The following MGAT5 variants were observed in gnomAD, a reference collection of about 807,000 sequenced individuals.
MGAT5 encodes the protein alpha-1,6-mannosylglycoprotein 6-beta-N-acetylglucosaminyltransferase A.
A neutral mutation model predicts 94.3 loss-of-function variants in MGAT5; 30 were observed. That is an observed-to-expected ratio of 0.32 (90% CI 0.24 to 0.43). MGAT5 has a LOEUF of 0.43. MGAT5 is among the 20% of genes least tolerant of loss of function. MGAT5 has a pLI of 1.00. For missense variants in MGAT5, 691 were observed against 905.5 expected, an observed-to-expected ratio of 0.76 and a Z score of 3.04; for synonymous variants, 310 against 322.9, an observed-to-expected ratio of 0.96 and a Z score of 0.43.
chr2:134,432,316 T>A (rs1684928105), intron 14 of MGAT5, among the ~76,000 whole-genome samples: 1 of 152,200 alleles, frequency 6.6e-6, no homozygotes, highest in Non-Finnish European at 1.5e-5. Flanking sequence ...GTGTGATTCA[T>A]CTGAGAAGCA....
At chr2:134,135,134 A>T (rs141466657) in intron 1 of MGAT5, among the ~76,000 whole-genome samples, 106 of 152,244 alleles carry the variant, frequency 7.0e-4, no homozygotes, top group Admixed American at 9.2e-4. Context: ...AATACATTAG[A>T]TTTGTCATAA....
chr2:134,186,396 T>C (rs1405395399), intron 1 of MGAT5, among the ~76,000 whole-genome samples: 1 of 150,986 alleles, frequency 6.6e-6, no homozygotes, highest in Non-Finnish European at 1.5e-5. Context: ...TTTTTTTTAC[T>C]TGGAATTTCT....
chr2:134,441,540 G>C (rs551083893), intron 14 of MGAT5, among the ~76,000 whole-genome samples: 1 of 152,324 alleles, frequency 6.6e-6, no homozygotes, highest in Admixed American at 6.5e-5. Flanking sequence ...GTTGGTCCCT[G>C]TCTTGAGGTT....
At chr2:134,298,414 A>G (rs563830128) in intron 2 of MGAT5, among the ~76,000 whole-genome samples, 3 of 152,264 alleles carry the variant, frequency 2.0e-5, no homozygotes, top group South Asian at 2.1e-4. Flanking sequence ...TGTATTATTT[A>G]TCACCAAATA....
chr2:134,197,507 C>T (rs1242181990), intron 1 of MGAT5, among the ~76,000 whole-genome samples: 2 of 152,164 alleles, frequency 1.3e-5, no homozygotes, highest in South Asian at 2.1e-4. Flanking sequence ...TTTCTTGAAC[C>T]TCCTGGTATA....
At chr2:134,361,360 C>T (rs911631453) in intron 9 of MGAT5, among the ~76,000 whole-genome samples, 1 of 152,218 alleles carries the variant, frequency 6.6e-6, no homozygotes, top group Non-Finnish European at 1.5e-5. Context: ...CACACATGGG[C>T]TCTGCAGGCT....
chr2:134,344,860 GC>G, intron 7 of MGAT5, 69 bp from the exon 8 acceptor site: 3 of 1,564,740 alleles, frequency 1.9e-6, no homozygotes, highest in Non-Finnish European at 2.6e-6. Context: ...CATTAAAGTT[GC>G]CAAGTTTATT....
intron 1 of MGAT5, among the ~76,000 whole-genome samples, chr2:134,153,873 G>A (rs1687348394): frequency 6.6e-6 from 1 of 152,124 alleles, no homozygotes; most frequent in Admixed American, 6.5e-5. Flanking sequence ...TGAGGGTTAA[G>A]GCCCAGAGAC....
At chr2:134,135,913 A>G (rs1008935134) in intron 1 of MGAT5, among the ~76,000 whole-genome samples, 2 of 151,404 alleles carry the variant, frequency 1.3e-5, no homozygotes, top group African/African-American at 4.9e-5. Flanking sequence ...AACTGCAGGA[A>G]TGGAAGGTAA....
chr2:134,386,984 G>A (rs575895090), intron 10 of MGAT5, among the ~76,000 whole-genome samples: 5 of 151,974 alleles, frequency 3.3e-5, no homozygotes, highest in African/African-American at 7.3e-5. Flanking sequence ...TGTATGAGCC[G>A]GGTGCGGTGG....
chr2:134,294,117 G>A (rs537833237), intron 2 of MGAT5, among the ~76,000 whole-genome samples: 2 of 152,264 alleles, frequency 1.3e-5, no homozygotes, highest in African/African-American at 4.8e-5. Context: ...TGAGTGAGGA[G>A]GCAAATGGAG....
At chr2:134,298,070 G>A (rs1313331651) in intron 2 of MGAT5, among the ~76,000 whole-genome samples, 8 of 151,966 alleles carry the variant, frequency 5.3e-5, no homozygotes, top group Non-Finnish European at 1.5e-5. Context: ...TGAATTATTT[G>A]TATAAATAAT....
At chr2:134,376,564 A>C (rs971591434) in intron 10 of MGAT5, among the ~76,000 whole-genome samples, 13 of 152,150 alleles carry the variant, frequency 8.5e-5, no homozygotes, top group African/African-American at 2.9e-4. Context: ...ATCCCTCACT[A>C]TTTGGACCAG....
intron 1 of MGAT5, among the ~76,000 whole-genome samples, chr2:134,219,468 G>A (rs943925894): frequency 1.3e-5 from 2 of 152,010 alleles, no homozygotes; most frequent in South Asian, 2.1e-4. Flanking sequence ...CTACTTTAAC[G>A]AACAGACAGT....
At chr2:134,202,851 C>T (rs547089835) in intron 1 of MGAT5, among the ~76,000 whole-genome samples, 1 of 152,122 alleles carries the variant, frequency 6.6e-6, no homozygotes, top group East Asian at 1.9e-4. Context: ...CCCAAAAAAT[C>T]AATGCAATTT....
Position 134,376,647 on chromosome 2 carries a change from C to A in MGAT5, c.1380+14239C>A, listed in dbSNP as rs1408408297. 2.0e-5 allele frequency among the ~76,000 whole-genome samples: 3 copies of A among 152,206 alleles called. No homozygotes were observed. In the East Asian group the frequency reaches 5.8e-4, roughly 29 times the overall value. Reference sequence around the variant, plus strand: ...TGGAAGAGCCTTCCTTGCTGTTGGACCTAGGGGAGGAAAGAAATTATCCCT... The same window carrying A: ...TGGAAGAGCCTTCCTTGCTGTTGGAACTAGGGGAGGAAAGAAATTATCCCT... On this transcript the variant is annotated intron_variant, in intron 10 of 15. Coordinates refer to ENST00000281923, the MANE Select transcript of MGAT5 (RefSeq NM_002410.5).
chr2:134,138,887 G>T (rs1686538806), intron 1 of MGAT5, among the ~76,000 whole-genome samples: 1 of 152,144 alleles, frequency 6.6e-6, no homozygotes, highest in South Asian at 2.1e-4. Flanking sequence ...CATAAAAGGG[G>T]ATATATGGTC....
At chr2:134,385,117 A>G (rs1681889157) in intron 10 of MGAT5, among the ~76,000 whole-genome samples, 1 of 152,214 alleles carries the variant, frequency 6.6e-6, no homozygotes, top group Admixed American at 6.5e-5. Flanking sequence ...AGCTGCTGTT[A>G]TTGATTCTAC....
intron 10 of MGAT5, among the ~76,000 whole-genome samples, chr2:134,392,611 A>C (rs921091648): frequency 2.0e-5 from 3 of 152,196 alleles, no homozygotes; most frequent in African/African-American, 7.2e-5. Context: ...GTCACGTGTC[A>C]AGTCCCCGCC....
Sources: gnomAD v4.1 joint callset for allele counts (sites outside exome capture counted in the v4.1 genomes callset) on GRCh38, gnomAD v4.1.1 for gene constraint, MANE v1.5 for transcripts, NCBI Gene and HGNC (gene_info 2026-07-23, HGNC 2026-07-21) for gene names.